ARHGEF11: variants seen among roughly 807,000 people sequenced by gnomAD.
ARHGEF11 encodes the protein Rho guanine nucleotide exchange factor 11.
ARHGEF11 carries 55 observed loss-of-function variants against 193.7 expected under a neutral mutation model. The ratio of observed to expected loss-of-function variants is 0.28; its 90% CI spans 0.23 to 0.36. The LOEUF (loss-of-function observed/expected upper bound fraction) is 0.36, where lower values mean the gene tolerates loss of function less well. Among genes scored for constraint, ARHGEF11 ranks in the 10% least tolerant of loss-of-function variants. ARHGEF11 has a pLI of 1.00. For synonymous variants in ARHGEF11, 693 were observed against 768.0 expected (o/e 0.90, Z 1.62); for missense variants, 1,723 against 2,005.6 (o/e 0.86, Z 2.69).
intron 1 of ARHGEF11, among the ~76,000 whole-genome samples, chr1:157,023,493 C>T (rs774553872): frequency 2.3e-4 from 35 of 152,276 alleles, no homozygotes; most frequent in African/African-American, 7.0e-4. Context: ...AGGCCAGGCA[C>T]GGTGGCTCAC....
chr1:156,961,577 AC>A lies in ARHGEF11; in HGVS notation c.1239+99del. 6 of 986,470 alleles carry A rather than the reference AC, an allele frequency of 6.1e-6. No homozygotes were observed. The South Asian group carries it at 8.3e-5, about 14-fold the overall frequency. 61.1% of individuals were successfully genotyped at this position (986,470 alleles called of 1,614,324 possible). ...TCTCAGCCTAGATTTCTCTTTAAGA[AC>A]CTGTCTCTGTTTGGCCTGGATGTTT... On this transcript the variant is annotated intron_variant, in intron 14 of 40. Transcript: ENST00000368194.
intron 1 of ARHGEF11, among the ~76,000 whole-genome samples, chr1:157,012,899 T>C (rs959929798): frequency 2.6e-5 from 4 of 152,198 alleles, no homozygotes; most frequent in South Asian, 2.1e-4. Context: ...CTAATGTACA[T>C]GAAGAAACAT....
intron 37 of ARHGEF11, 112 bp from the exon 38 acceptor site, chr1:156,938,625 A>G (rs894242893): frequency 5.4e-6 from 5 of 928,776 alleles, no homozygotes; most frequent in Admixed American, 2.1e-5. Flanking sequence ...GGGAGGAGAA[A>G]ATGGGAAGAA....
intron 1 of ARHGEF11, among the ~76,000 whole-genome samples, chr1:157,042,144 A>G (rs1179485522): frequency 1.3e-5 from 2 of 152,124 alleles, no homozygotes; most frequent in African/African-American, 4.8e-5. Flanking sequence ...ACCACTCTTA[A>G]TGGGGAAGAG....
chr1:156,960,735 T>C (rs1176052130), intron 14 of ARHGEF11, among the ~76,000 whole-genome samples: 1 of 152,148 alleles, frequency 6.6e-6, no homozygotes, highest in Non-Finnish European at 1.5e-5. Context: ...TTAGAGCGCA[T>C]GGGATGGCAT....
At chr1:156,937,734 G>T (rs1347833946) in intron 38 of ARHGEF11, among the ~76,000 whole-genome samples, 1 of 152,188 alleles carries the variant, frequency 6.6e-6, no homozygotes, top group Admixed American at 6.5e-5. Flanking sequence ...GCTGAGCGAT[G>T]AACTCAAGGG....
chr1:156,971,605 A>T, intron 8 of ARHGEF11, 92 bp downstream of exon 8: 1 of 1,481,558 alleles, frequency 6.7e-7, no homozygotes, highest in Non-Finnish European at 9.1e-7. Flanking sequence ...TCCTGGCATA[A>T]CCCAAGAAGC....
chr1:157,021,538 G>C (rs1243741313), intron 1 of ARHGEF11, among the ~76,000 whole-genome samples: 3 of 152,186 alleles, frequency 2.0e-5, no homozygotes, highest in Non-Finnish European at 4.4e-5. Context: ...GAAGTTTTCA[G>C]TCCAAGACAG....
At chr1:157,009,700 T>C (rs941563512) in intron 1 of ARHGEF11, among the ~76,000 whole-genome samples, 3 of 152,170 alleles carry the variant, frequency 2.0e-5, no homozygotes, top group Admixed American at 2.0e-4. Context: ...CTAACACAGA[T>C]TCATGAGCTA....
intron 6 of ARHGEF11, 129 bp from the exon 7 acceptor site, chr1:156,977,183 A>G: frequency 1.2e-6 from 1 of 803,540 alleles, no homozygotes; most frequent in South Asian, 1.6e-5. Flanking sequence ...TGTTTTATTC[A>G]GTACCTTGCC....
intron 20 of ARHGEF11, 68 bp downstream of exon 20, chr1:156,955,635 C>G: frequency 8.0e-7 from 1 of 1,253,838 alleles, no homozygotes. Flanking sequence ...TGCCAACATA[C>G]TGGTACATGA....
chr1:157,000,803 C>T lies in ARHGEF11; in HGVS notation c.33-14630G>A, dbSNP rs78310825. ...ACCTGTTCTTCAGCTGAGGTAACTGCAGGTAGATGCAAACTGAGTCATGGC... is the reference window on the plus strand; with the variant it reads ...ACCTGTTCTTCAGCTGAGGTAACTGTAGGTAGATGCAAACTGAGTCATGGC... On this transcript the variant is annotated intron_variant, in intron 1 of 40. Transcript: ENST00000368194. 7.8e-3 allele frequency among the ~76,000 whole-genome samples: 1,192 copies of T among 152,248 alleles called. 14 individuals carry two copies. Among genetic ancestry groups the T allele is most frequent in the African/African-American group, 0.026 (1,071 of 41,532 alleles).
intron 8 of ARHGEF11, 89 bp from the exon 9 acceptor site, chr1:156,970,132 C>G: frequency 1.8e-6 from 2 of 1,113,840 alleles, no homozygotes; most frequent in South Asian, 1.3e-5. Context: ...TATTTGCTTA[C>G]AATTAGTGGC....
intron 1 of ARHGEF11, among the ~76,000 whole-genome samples, chr1:157,035,058 T>C (rs1671744085): frequency 6.6e-6 from 1 of 152,106 alleles, no homozygotes; most frequent in African/African-American, 2.4e-5. Context: ...TAATGAGACC[T>C]ACGATTATTG....
intron 11 of ARHGEF11, among the ~76,000 whole-genome samples, chr1:156,967,447 T>A (rs1213741548): frequency 6.6e-6 from 1 of 152,226 alleles, no homozygotes; most frequent in Non-Finnish European, 1.5e-5. Flanking sequence ...AAGTCTCTCC[T>A]GGATCTAGCT....
intron 10 of ARHGEF11, among the ~76,000 whole-genome samples, chr1:156,968,565 T>C (rs891440741): frequency 5.3e-5 from 8 of 152,210 alleles, no homozygotes; most frequent in African/African-American, 1.9e-4. Context: ...TCCTTTCACA[T>C]ATATTTCACC....
At position 156,958,801 on chromosome 1, in the gene ARHGEF11, C is replaced by T. The variant is rs756777411; in HGVS notation, c.1443G>A (p.Gly481=). ...CCACTTGGCGCTCTCGGAGAGGGTCCCCATCCAGGTCCAGCAGGTCATTTT... is the reference window on the plus strand; with the variant it reads ...CCACTTGGCGCTCTCGGAGAGGGTCTCCATCCAGGTCCAGCAGGTCATTTT... ...YGENDLLDLD[G]DPLRERQVAE... is the part of the protein sequence containing the mutation. Residue 481 remains glycine (G), a synonymous_variant, in exon 17 of 41, where the codon GGG becomes GGA. Transcript: ENST00000368194. 10 of 1,614,062 alleles carry T rather than the reference C, an allele frequency of 6.2e-6. No homozygotes were observed. Among genetic ancestry groups the T allele is most frequent in the Non-Finnish European group, 6.8e-6 (8 of 1,180,022 alleles).
chr1:156,998,954 G>C (rs1666883764), intron 1 of ARHGEF11, among the ~76,000 whole-genome samples: 1 of 152,194 alleles, frequency 6.6e-6, no homozygotes, highest in African/African-American at 2.4e-5. Context: ...GCAACTTTCA[G>C]GAAGATCCAA....
At chr1:156,937,141 C>A in intron 39 of ARHGEF11, 108 bp downstream of exon 39, 1 of 1,574,832 alleles carries the variant, frequency 6.3e-7, no homozygotes. Context: ...GATCCCTGGG[C>A]CAGGACAGGA....
Sources: gnomAD v4.1 joint callset for allele counts (sites outside exome capture counted in the v4.1 genomes callset) on GRCh38, gnomAD v4.1.1 for gene constraint, MANE v1.5 for transcripts, NCBI Gene and HGNC (gene_info 2026-07-23, HGNC 2026-07-21) for gene names.